DNAJC13: variants seen among roughly 807,000 people sequenced by gnomAD.
DNAJC13 encodes dnaJ homolog subfamily C member 13.
DNAJC13 carries 75 observed loss-of-function variants against 290.5 expected under a neutral mutation model. That is an observed-to-expected ratio of 0.26 (90% CI 0.21 to 0.31). The LOEUF is 0.31. Ranked by LOEUF, DNAJC13 falls within the 10% of genes least tolerant of loss-of-function variation. The pLI, the probability that DNAJC13 is intolerant of heterozygous loss-of-function variation, is 1.00. For synonymous variants in DNAJC13, 862 were observed against 892.0 expected (o/e 0.97, Z 0.60); for missense variants, 2,260 against 2,674.5 (o/e 0.85, Z 3.42).
intron 14 of DNAJC13, 91 bp downstream of exon 14, chr3:132,460,448 T>TA: frequency 2.4e-6 from 2 of 835,196 alleles, no homozygotes; most frequent in Non-Finnish European, 3.8e-6. Context: ...TTTTTTTTTT[T>TA]TTATTGTAGC....
intron 3 of DNAJC13, 115 bp from the exon 4 acceptor site, chr3:132,447,206 C>A: frequency 1.1e-6 from 1 of 919,950 alleles, no homozygotes; most frequent in Non-Finnish European, 1.5e-6. Flanking sequence ...TTTCTAGACT[C>A]TATTTTATAA....
Position 132,490,930 on chromosome 3 carries a change from C to T in DNAJC13, c.3502C>T (p.Leu1168Phe). The T allele has an allele frequency of 6.2e-7, 1 of 1,608,688 alleles. No individual in the cohort carries two copies. Among genetic ancestry groups the T allele is most frequent in the South Asian group, 1.1e-5 (1 of 89,754 alleles). ...KGQDIFQRSI[L>F]GHILPEAMVC... ...ACAAGATATTTTTCAGAGAAGTATACTTGGGCACATTCTACCTGAAGCAAT... is the reference window on the plus strand; with the variant it reads ...ACAAGATATTTTTCAGAGAAGTATATTTGGGCACATTCTACCTGAAGCAAT... Residue 1168 changes from leucine (L) to phenylalanine (F), a missense_variant, in exon 32 of 56, where the codon CTT becomes TTT. Physicochemically the swap from Leu to Phe is conservative, Grantham distance 22. Transcript: ENST00000260818.
At chr3:132,472,426 C>T in intron 20 of DNAJC13, 1 of 362,156 alleles carries the variant, frequency 2.8e-6, no homozygotes, top group Non-Finnish European at 3.8e-6. Flanking sequence ...CTTAGAGAAG[C>T]AGGTGCACCT....
chr3:132,451,505 C>T (rs190461096), intron 6 of DNAJC13, among the ~76,000 whole-genome samples: 1 of 151,982 alleles, frequency 6.6e-6, no homozygotes, highest in Non-Finnish European at 1.5e-5. Flanking sequence ...TGCTGAGAAC[C>T]CTGTTAATCA....
chr3:132,524,937 A>T (rs1936206337), intron 51 of DNAJC13, among the ~76,000 whole-genome samples: 1 of 152,372 alleles, frequency 6.6e-6, no homozygotes, highest in East Asian at 1.9e-4. Context: ...TGAAACTGGG[A>T]AAAACATTTC....
chr3:132,418,712 A>C (rs1303321208), intron 1 of DNAJC13, among the ~76,000 whole-genome samples: 2 of 152,142 alleles, frequency 1.3e-5, no homozygotes, highest in East Asian at 3.9e-4. Context: ...AGCCTTTTGT[A>C]ATACAGTGTC....
rs745403719 is a variant in DNAJC13 at position 132,480,464 on chromosome 3, A to G, written c.2868A>G (p.Pro956=). The change falls in exon 26 of 56, where the codon CCA becomes CCG. Residue 956 remains proline, a synonymous_variant. Coordinates refer to ENST00000260818, the MANE Select transcript of DNAJC13 (RefSeq NM_015268.4). The part of the protein sequence containing the change: ...AHLHVSRATV[P]LQSNVIEAAP... ...TCCATGTAAGCCGAGCTACAGTACCACTGCAAGTACGTATCCTTGTTTACG... is the reference window on the plus strand; with the variant it reads ...TCCATGTAAGCCGAGCTACAGTACCGCTGCAAGTACGTATCCTTGTTTACG... 1 of 1,606,454 alleles carries G rather than the reference A, an allele frequency of 6.2e-7. No homozygotes were observed. The highest frequency in any genetic ancestry group is 1.1e-5 in the South Asian group (1 of 90,432).
rs761027477 is a variant in DNAJC13, at chr3:132,447,425, A to G, written c.249A>G (p.Leu83=). 2.1e-5 allele frequency: 34 copies of G among 1,609,870 alleles called. 1 individual carries two copies. In the South Asian group the frequency reaches 3.6e-4, roughly 17 times the overall value. The change falls in exon 4 of 56, where the codon TTA becomes TTG. Residue 83 remains leucine, a synonymous_variant. Coordinates refer to ENST00000260818, the MANE Select transcript of DNAJC13 (RefSeq NM_015268.4). The stretch of plus-strand genomic sequence containing the variant: ...GCAGTGGAAAAAAGTCAGAAACTTT[A>G]AAATTTTCTACAGAGCACAGAACAG... ...RKGSGKKSET[L]KFSTEHRTEL...
At chr3:132,489,638 T>G (rs1387260530) in intron 31 of DNAJC13, among the ~76,000 whole-genome samples, 1 of 152,022 alleles carries the variant, frequency 6.6e-6, no homozygotes, top group African/African-American at 2.4e-5. Context: ...TTGGATCATA[T>G]CAAGCAGAAT....
intron 1 of DNAJC13, among the ~76,000 whole-genome samples, chr3:132,425,909 T>C (rs1939077842): frequency 6.6e-6 from 1 of 152,176 alleles, no homozygotes; most frequent in Non-Finnish European, 1.5e-5. Flanking sequence ...TCTGTGGTGT[T>C]GAGTCCCTTC....
Position 132,453,556 on chromosome 3 carries a change from T to C in DNAJC13, c.745-43T>C, listed in dbSNP as rs540403662. On this transcript the variant is annotated intron_variant, in intron 7 of 55. Transcript: ENST00000260818. The stretch of plus-strand genomic sequence containing the variant: ...ATTTGTTCACCTGATTTTGACGTTT[T>C]AAAAAATAACTTCTTAATATGTCTC... 32 of 1,608,566 alleles carry C rather than the reference T, an allele frequency of 2.0e-5. No individual in the cohort carries two copies. The Admixed American group carries it at 4.2e-4, about 21-fold the overall frequency.
rs967359211 is a variant in DNAJC13 at position 132,503,107 on chromosome 3, CTTT to C, written c.4717-104_4717-102del. The C allele has an allele frequency of 2.3e-5, 29 of 1,238,568 alleles. No homozygotes were observed. In the African/African-American group the frequency reaches 3.8e-4, roughly 16 times the overall value. 76.7% of individuals were successfully genotyped at this position (1,238,568 alleles called of 1,614,324 possible). ...ACTCTTGTACCCTTTTGTTGGTTGACTTTTTACTCCTTAAATATGTTCCATATA... is the reference window on the plus strand; with the variant it reads ...ACTCTTGTACCCTTTTGTTGGTTGACTTACTCCTTAAATATGTTCCATATA... On this transcript the variant is annotated intron_variant, in intron 40 of 55. Transcript: ENST00000260818.
At chr3:132,489,193 A>G (rs1196398305) in intron 31 of DNAJC13, among the ~76,000 whole-genome samples, 172 bp downstream of exon 31, 1 of 152,202 alleles carries the variant, frequency 6.6e-6, no homozygotes, top group Non-Finnish European at 1.5e-5. Flanking sequence ...GTCTAAGCTA[A>G]TATTTTTAAA....
intron 2 of DNAJC13, among the ~76,000 whole-genome samples, chr3:132,439,915 G>A (rs540492635): frequency 6.6e-6 from 1 of 152,142 alleles, no homozygotes; most frequent in Admixed American, 6.6e-5. Context: ...CCAGATGAAC[G>A]ATCAGTTTGC....
At chr3:132,425,385 ATTGTAAACAT>A (rs1011048208) in intron 1 of DNAJC13, among the ~76,000 whole-genome samples, 8 of 152,184 alleles carry the variant, frequency 5.3e-5, no homozygotes, top group Non-Finnish European at 1.2e-4. Flanking sequence ...CACCCAACAT[ATTGTAAACAT>A]TTTCACCTAC....
chr3:132,459,028 CTG>C (rs10540422), intron 13 of DNAJC13, among the ~76,000 whole-genome samples: 3,805 of 152,050 alleles, frequency 0.025, 126 homozygotes, highest in African/African-American at 0.073. Context: ...TAATTTTTTT[CTG>C]TGTTTCAGGT....
chr3:132,512,271 G>A (rs915918554), intron 44 of DNAJC13, among the ~76,000 whole-genome samples: 2 of 152,174 alleles, frequency 1.3e-5, no homozygotes, highest in African/African-American at 4.8e-5. Flanking sequence ...TATGGTTTGT[G>A]TGTCATTGAT....
At chr3:132,446,596 A>T in intron 3 of DNAJC13, 46 bp downstream of exon 3, 1 of 1,375,930 alleles carries the variant, frequency 7.3e-7, no homozygotes, top group Non-Finnish European at 1.0e-6. Flanking sequence ...ACTCCCTTTG[A>T]ATTTTAAAAG....
intron 2 of DNAJC13, among the ~76,000 whole-genome samples, chr3:132,445,779 T>C (rs1475635390): frequency 2.0e-5 from 3 of 152,128 alleles, no homozygotes; most frequent in African/African-American, 7.2e-5. Flanking sequence ...ATATTTTATT[T>C]CCAAAGAACT....
Sources: gnomAD v4.1 joint callset for allele counts (sites outside exome capture counted in the v4.1 genomes callset) on GRCh38, gnomAD v4.1.1 for gene constraint, MANE v1.5 for transcripts, NCBI Gene and HGNC (gene_info 2026-07-23, HGNC 2026-07-21) for gene names.